The following CRISPLD2 variants were observed in gnomAD, a reference collection of about 807,000 sequenced individuals.
CRISPLD2 encodes the protein cysteine-rich secretory protein LCCL domain-containing 2.
Under a neutral mutation model 71.1 loss-of-function variants are expected in CRISPLD2, and 47 were observed. That is an observed-to-expected ratio of 0.66 (90% CI 0.52 to 0.84). The LOEUF is 0.84. Among genes scored for constraint, CRISPLD2 ranks in the 40% least tolerant of loss-of-function variants. The probability of loss-of-function intolerance (pLI) is 0.00; values close to 1 mark genes in which losing one functional copy is unlikely to be tolerated. For missense variants in CRISPLD2, 830 were observed against 651.1 expected (o/e 1.27, Z -2.99); for synonymous variants, 317 against 250.1 (o/e 1.27, Z -2.52).
At chr16:84,882,744 T>G (rs60984954) in intron 13 of CRISPLD2, among the ~76,000 whole-genome samples, 90,294 of 151,586 alleles carry the variant, frequency 0.6, 27,599 homozygotes, top group East Asian at 0.85. Context: ...ATGTTTTAGG[T>G]CCTTTCTTTA....
At chr16:84,894,491 C>G (rs954150773) in intron 14 of CRISPLD2, among the ~76,000 whole-genome samples, 1 of 152,142 alleles carries the variant, frequency 6.6e-6, no homozygotes. Flanking sequence ...TGGGCAGCCC[C>G]TGCGCTAGGG....
At chr16:84,861,824 G>A (rs1597463819) in intron 6 of CRISPLD2, among the ~76,000 whole-genome samples, 1 of 152,162 alleles carries the variant, frequency 6.6e-6, no homozygotes. Flanking sequence ...CTGTGGCCTG[G>A]GAGGCTTAGA....
chr16:84,868,937 C>A (rs373850084), intron 8 of CRISPLD2, 26 bp downstream of exon 8: 56 of 1,517,306 alleles, frequency 3.7e-5, no homozygotes, highest in Non-Finnish European at 4.8e-5. Context: ...GCTGTCCTGC[C>A]ACTGTAGCCT....
intron 14 of CRISPLD2, among the ~76,000 whole-genome samples, chr16:84,890,753 T>C (rs2968144): frequency 0.62 from 93,678 of 151,402 alleles, 29,893 homozygotes; most frequent in East Asian, 0.87. Context: ...CGGGATTGTG[T>C]CACTGCACTC....
chr16:84,908,222 T>C lies in CRISPLD2; in HGVS notation c.*1580T>C, dbSNP rs560706352. On this transcript the variant is annotated 3_prime_UTR_variant, in exon 15 of 15. Coordinates refer to ENST00000262424, the MANE Select transcript of CRISPLD2 (RefSeq NM_031476.4). ...AACAAAAACCCACCCCTTTAAGGAG[T>C]TGGTAAAAAGCAGTTCAACTCTTAG... 1 of 151,930 alleles carries C rather than the reference T, an allele frequency of 6.6e-6. No homozygotes were observed. Among genetic ancestry groups the C allele is most frequent in the South Asian group, 2.1e-4 (1 of 4,812 alleles). 9.4% of individuals were successfully genotyped at this position (151,930 alleles called of 1,614,324 possible). A position where few individuals can be genotyped will look rare whatever the true frequency, so the allele number is the denominator to read the frequency against.
chr16:84,827,936 C>G (rs1361209849), intron 1 of CRISPLD2, among the ~76,000 whole-genome samples: 1 of 152,192 alleles, frequency 6.6e-6, no homozygotes, highest in South Asian at 2.1e-4. Flanking sequence ...TTCTGCCCCC[C>G]TCCTCTGTTC....
chr16:84,838,463 C>A lies in CRISPLD2; in HGVS notation c.-33C>A, dbSNP rs372585965. ...TCTGCCCGAGGAGCCCAGGCTGCCCCGTGAGTCCCATAGTTGCTGCAGGAG... is the reference window on the plus strand; with the variant it reads ...TCTGCCCGAGGAGCCCAGGCTGCCCAGTGAGTCCCATAGTTGCTGCAGGAG... On this transcript the variant is annotated 5_prime_UTR_variant, in exon 2 of 15. Coordinates refer to ENST00000262424, the MANE Select transcript of CRISPLD2 (RefSeq NM_031476.4). 1 of 1,600,004 alleles carries A rather than the reference C, an allele frequency of 6.2e-7. No individual in the cohort carries two copies. Among genetic ancestry groups the A allele is most frequent in the Non-Finnish European group, 8.5e-7 (1 of 1,170,806 alleles).
chr16:84,892,169 T>C (rs1216264325), intron 14 of CRISPLD2, among the ~76,000 whole-genome samples: 1 of 151,926 alleles, frequency 6.6e-6, no homozygotes, highest in Non-Finnish European at 1.5e-5. Context: ...CCAGGTGGGG[T>C]CCCCAGGCCA....
intron 13 of CRISPLD2, among the ~76,000 whole-genome samples, chr16:84,888,411 C>T (rs993950873): frequency 6.6e-6 from 1 of 152,226 alleles, no homozygotes; most frequent in African/African-American, 2.4e-5. Context: ...TGGTACACAA[C>T]TGTAGTCCCA....
chr16:84,877,932 C>A (rs9673759), intron 12 of CRISPLD2, among the ~76,000 whole-genome samples: 1 of 149,610 alleles, frequency 6.7e-6, no homozygotes, highest in Non-Finnish European at 1.5e-5. Context: ...GATGTGTGGC[C>A]GGGCACGGTG....
intron 14 of CRISPLD2, among the ~76,000 whole-genome samples, chr16:84,900,784 G>T (rs1292320945): frequency 6.6e-6 from 1 of 152,094 alleles, no homozygotes; most frequent in African/African-American, 2.4e-5. Context: ...GGGCTCAATG[G>T]CTCGCGCTTA....
rs916102018 is a variant in CRISPLD2 at position 84,907,031 on chromosome 16, A to T, written c.*389A>T. The stretch of plus-strand genomic sequence containing the variant: ...AAGAACAAACCATTTGAAGCTCACA[A>T]TTGTGAAGCATTCACGGCGTCGGAA... On this transcript the variant is annotated 3_prime_UTR_variant, in exon 15 of 15. Transcript: ENST00000262424. 1.2e-5 allele frequency: 3 copies of T among 246,244 alleles called. No homozygotes were observed. The Admixed American group carries it at 1.6e-4, about 13-fold the overall frequency. The allele number at this position is 246,244 out of a possible 1,614,324, so 15.3% of individuals were successfully genotyped here.
intron 10 of CRISPLD2, 151 bp from the exon 11 acceptor site, chr16:84,873,769 T>A: frequency 1.4e-6 from 1 of 737,790 alleles, no homozygotes; most frequent in Non-Finnish European, 2.1e-6. Context: ...TCTAGAACAT[T>A]CTAAGAGCTC....
rs564833739 is a variant in CRISPLD2 at position 84,883,332 on chromosome 16, C to T, written c.1305+2748C>T. 5.9e-5 allele frequency among the ~76,000 whole-genome samples: 9 copies of T among 152,334 alleles called. No homozygotes were observed. The East Asian group carries it at 9.7e-4, about 16-fold the overall frequency. On this transcript the variant is annotated intron_variant, in intron 13 of 14. Coordinates refer to ENST00000262424, the MANE Select transcript of CRISPLD2 (RefSeq NM_031476.4). ...AGGGCCTGTTCCTGCCTGCGGCTCC[C>T]GCCTGTTCACCAGGACTGCATTTCC...
chr16:84,869,233 C>T (rs577486369), intron 8 of CRISPLD2, among the ~76,000 whole-genome samples: 1 of 152,182 alleles, frequency 6.6e-6, no homozygotes, highest in South Asian at 2.1e-4. Context: ...AGATGATGAA[C>T]GCTGTCTGCC....
At chr16:84,864,568 C>A (rs1917484541) in intron 6 of CRISPLD2, among the ~76,000 whole-genome samples, 1 of 152,224 alleles carries the variant, frequency 6.6e-6, no homozygotes, top group Non-Finnish European at 1.5e-5. Context: ...AGCTTCCACC[C>A]ATAGCTTTTG....
At chr16:84,906,364 C>T (rs1350919630) in intron 14 of CRISPLD2, among the ~76,000 whole-genome samples, 1 of 152,196 alleles carries the variant, frequency 6.6e-6, no homozygotes, top group Non-Finnish European at 1.5e-5. Flanking sequence ...CAGCCTTGAC[C>T]TAGAATCAGA....
At chr16:84,858,278 C>T (rs1019364090) in intron 6 of CRISPLD2, among the ~76,000 whole-genome samples, 1 of 152,104 alleles carries the variant, frequency 6.6e-6, no homozygotes, top group Admixed American at 6.6e-5. Context: ...TGTTCTGGAC[C>T]CCACTCAAAA....
chr16:84,900,098 C>T (rs1053955630), intron 14 of CRISPLD2, among the ~76,000 whole-genome samples: 5 of 152,188 alleles, frequency 3.3e-5, no homozygotes, highest in African/African-American at 1.2e-4. Context: ...TTCTCCTCCT[C>T]TTGGTCCGGA....
Sources: allele counts gnomAD v4.1 joint callset (sites outside exome capture counted in the v4.1 genomes callset), GRCh38; gene constraint gnomAD v4.1.1; transcripts MANE v1.5; gene names NCBI Gene and HGNC (gene_info 2026-07-23, HGNC 2026-07-21).